Variants in CACNA1D observed in about 807,000 individuals in gnomAD.
CACNA1D encodes calcium voltage-gated channel subunit alpha1 D.
CACNA1D carries 55 observed loss-of-function variants against 257.1 expected under a neutral mutation model. That is an observed-to-expected ratio of 0.21 (90% CI 0.17 to 0.27). The LOEUF is 0.27. CACNA1D is among the 10% of genes least tolerant of loss of function. The pLI, the probability that CACNA1D is intolerant of heterozygous loss-of-function variation, is 1.00. For synonymous variants in CACNA1D, 980 were observed against 1,014.9 expected (o/e 0.97, Z 0.65); for missense variants, 1,876 against 2,784.0 (o/e 0.67, Z 7.34).
intron 3 of CACNA1D, among the ~76,000 whole-genome samples, chr3:53,610,246 A>G (rs1576077570): frequency 6.6e-6 from 1 of 152,230 alleles, no homozygotes; most frequent in African/African-American, 2.4e-5. Flanking sequence ...GCCAGGTTCT[A>G]TAAATTTAAC....
At chr3:53,541,038 G>A (rs1469632436) in intron 3 of CACNA1D, among the ~76,000 whole-genome samples, 1 of 152,014 alleles carries the variant, frequency 6.6e-6, no homozygotes, top group African/African-American at 2.4e-5. Flanking sequence ...CACTGTGCGC[G>A]GCCGGCATGG....
chr3:53,509,265 C>T lies in CACNA1D; in HGVS notation c.483+7545C>T, dbSNP rs112149482. On this transcript the variant is annotated intron_variant, in intron 3 of 47. Transcript: ENST00000350061. ...GGAACTGCCTGAACTGATCAGTGAG[C>T]TCCACAGCCCCCTCTGTGTGTGTGT... 7.1e-3 allele frequency among the ~76,000 whole-genome samples: 1,067 copies of T among 149,750 alleles called. 9 individuals carry two copies. Among genetic ancestry groups the T allele is most frequent in the African/African-American group, 0.025 (1,018 of 40,698 alleles).
At chr3:53,781,447 A>G in intron 38 of CACNA1D, 119 bp from the exon 39 acceptor site, 1 of 724,354 alleles carries the variant, frequency 1.4e-6, no homozygotes, top group Non-Finnish European at 2.5e-6. Context: ...GTGGGAGTGG[A>G]GCCCCATCAG....
At chr3:53,552,907 C>G (rs916997479) in intron 3 of CACNA1D, among the ~76,000 whole-genome samples, 1 of 152,202 alleles carries the variant, frequency 6.6e-6, no homozygotes, top group Non-Finnish European at 1.5e-5. Flanking sequence ...TGTATTCCCA[C>G]TGTACCTTCA....
intron 3 of CACNA1D, among the ~76,000 whole-genome samples, chr3:53,620,332 C>T (rs1019100929): frequency 2.0e-5 from 3 of 152,144 alleles, no homozygotes; most frequent in Non-Finnish European, 2.9e-5. Context: ...CTTACTCTGT[C>T]CAGGCTGGAG....
chr3:53,731,416 G>A (rs1010090462), intron 17 of CACNA1D, among the ~76,000 whole-genome samples: 2 of 152,222 alleles, frequency 1.3e-5, no homozygotes, highest in African/African-American at 4.8e-5. Flanking sequence ...TATTGGAATT[G>A]TGCAATCAGC....
At chr3:53,785,605 C>G (rs1296171992) in intron 39 of CACNA1D, 1 of 152,234 alleles carries the variant, frequency 6.6e-6, no homozygotes, top group Non-Finnish European at 1.5e-5. Context: ...CCACCGTCAG[C>G]ACATTTTAAA....
At chr3:53,759,722 T>C (rs769473214) in intron 29 of CACNA1D, among the ~76,000 whole-genome samples, 20 of 152,262 alleles carry the variant, frequency 1.3e-4, no homozygotes, top group South Asian at 2.1e-4. Flanking sequence ...CTGCTTGTTA[T>C]CCATTCGCAA....
chr3:53,577,814 C>G (rs781038344), intron 3 of CACNA1D, among the ~76,000 whole-genome samples: 2 of 152,162 alleles, frequency 1.3e-5, no homozygotes, highest in Non-Finnish European at 2.9e-5. Flanking sequence ...TTTTCCTTCC[C>G]TTTACTGCTT....
chr3:53,740,763 T>A (rs1046116830), intron 21 of CACNA1D, among the ~76,000 whole-genome samples: 8 of 152,188 alleles, frequency 5.3e-5, no homozygotes, highest in African/African-American at 1.9e-4. Flanking sequence ...CTCTGTAATT[T>A]GTCAACTGAT....
In CACNA1D at chr3:53,786,961, T is replaced by C; in HGVS notation, c.4923+9T>C. ...CCACAATTGCCCTACAGGTGAATTG[T>C]TGTCTCATTTTGTTTTCTCTTTTGA... is the stretch of plus-strand genomic sequence containing the variant. On this transcript the variant is annotated intron_variant, in intron 40 of 47. Coordinates refer to ENST00000350061, the MANE Select transcript of CACNA1D (RefSeq NM_001128840.3). 12 of 1,613,944 alleles carry C rather than the reference T, an allele frequency of 7.4e-6. No homozygotes were observed. Among genetic ancestry groups the C allele is most frequent in the Non-Finnish European group, 1.0e-5 (12 of 1,179,812 alleles).
intron 40 of CACNA1D, chr3:53,796,375 G>A (rs990494017): frequency 1.8e-5 from 8 of 456,114 alleles, no homozygotes; most frequent in African/African-American, 8.0e-5. Flanking sequence ...CTAGAGACAT[G>A]CATCTCTTAT....
intron 8 of CACNA1D, among the ~76,000 whole-genome samples, chr3:53,696,246 G>A (rs891650285): frequency 2.0e-5 from 3 of 152,240 alleles, no homozygotes; most frequent in African/African-American, 7.2e-5. Context: ...GGTATTTCAG[G>A]CGTGAGCCTC....
intron 3 of CACNA1D, among the ~76,000 whole-genome samples, chr3:53,614,643 C>T (rs567254443): frequency 6.6e-6 from 1 of 152,208 alleles, no homozygotes; most frequent in Non-Finnish European, 1.5e-5. Flanking sequence ...ATTCGTTTCA[C>T]AGAACAAGCA....
rs1295210475 is a variant in CACNA1D, at chr3:53,557,222, G to A, written c.483+55502G>A. ...TAAGATCTGTGGTCTATGGCCAGGC[G>A]TGGTGGCTCACCGCTGTAATCCCAG... is the stretch of plus-strand genomic sequence containing the variant. On this transcript the variant is annotated intron_variant, in intron 3 of 47. Transcript: ENST00000350061. Among the ~76,000 whole-genome samples the A allele has an allele frequency of 3.3e-5, 5 of 152,234 alleles. No individual in the cohort carries two copies. In the East Asian group the frequency reaches 7.7e-4, roughly 24 times the overall value.
chr3:53,636,000 C>A (rs1166602297), intron 3 of CACNA1D, among the ~76,000 whole-genome samples: 1 of 152,162 alleles, frequency 6.6e-6, no homozygotes, highest in Admixed American at 6.5e-5. Context: ...TGGGGTAGTT[C>A]TTTCTGACCA....
chr3:53,734,016 G>GTATATATA (rs58714566), intron 19 of CACNA1D, among the ~76,000 whole-genome samples: 28 of 131,696 alleles, frequency 2.1e-4, no homozygotes, highest in East Asian at 1.0e-3. Context: ...ATATGTGTGT[G>GTATATATA]TATATATATA....
intron 26 of CACNA1D, 37 bp from the exon 27 acceptor site, chr3:53,749,231 G>T (rs1325710871): frequency 2.0e-6 from 3 of 1,488,178 alleles, no homozygotes; most frequent in Admixed American, 3.4e-5. Flanking sequence ...TGGGCTGGGG[G>T]GCTTGGCAGG....
intron 8 of CACNA1D, chr3:53,674,111 C>T (rs555474375): frequency 2.0e-5 from 10 of 511,392 alleles, no homozygotes; most frequent in African/African-American, 1.7e-4. Context: ...GAATTCCAGC[C>T]TTGGTCTCCC....
Sources: gnomAD v4.1 joint callset for allele counts (sites outside exome capture counted in the v4.1 genomes callset) on GRCh38, gnomAD v4.1.1 for gene constraint, MANE v1.5 for transcripts, NCBI Gene and HGNC (gene_info 2026-07-23, HGNC 2026-07-21) for gene names.